WDHD1: variants seen among roughly 807,000 people sequenced by gnomAD.
WDHD1 encodes WD repeat and HMG-box DNA binding protein 1, also known as WD repeat and HMG-box DNA-binding protein 1.
WDHD1 carries 111 observed loss-of-function variants against 135.4 expected under a neutral mutation model. The observed-to-expected ratio is 0.82, with a 90% CI of 0.70 to 0.96. WDHD1 has a LOEUF of 0.96. Among genes scored for constraint, WDHD1 ranks in the 40% least tolerant of loss-of-function variants. The pLI, the probability that WDHD1 is intolerant of heterozygous loss-of-function variation, is 0.00. For synonymous variants in WDHD1, 434 were observed against 439.0 expected (o/e 0.99, Z 0.14); for missense variants, 1,351 against 1,336.3 (o/e 1.01, Z -0.17).
chr14:55,013,576 C>T lies in WDHD1; in HGVS notation c.98G>A (p.Ser33Asn). 4 of 1,613,906 alleles carry T rather than the reference C, an allele frequency of 2.5e-6. No individual in the cohort carries two copies. Among genetic ancestry groups the T allele is most frequent in the Non-Finnish European group, 3.4e-6 (4 of 1,179,846 alleles). ...DSGSFIVTCG[S>N]DGDVRIWEDL... ...TTCCCAAATCCTCACATCACCATCA[C>T]TTCCACAAGTCACAATAAAACTGTG... Residue 33 changes from serine to asparagine, a missense_variant, in exon 3 of 26, where the codon AGT becomes AAT. This residue lies in a region of WDHD1 where 1,330 missense variants were observed against 1,296.1 expected (regional missense o/e 1.03). Transcript: ENST00000360586.
chr14:54,979,639 T>C (rs999992433), intron 16 of WDHD1, among the ~76,000 whole-genome samples: 11 of 152,274 alleles, frequency 7.2e-5, no homozygotes, highest in African/African-American at 2.4e-4. Context: ...ATTTAGTTTA[T>C]TGAATTGCTG....
chr14:54,995,222 C>G (rs1418899194), intron 11 of WDHD1, among the ~76,000 whole-genome samples: 1 of 152,160 alleles, frequency 6.6e-6, no homozygotes, highest in Non-Finnish European at 1.5e-5. Flanking sequence ...CTCAAGTGAT[C>G]TGCCCATTTC....
chr14:55,007,726 C>T (rs188232173), intron 6 of WDHD1, among the ~76,000 whole-genome samples: 15 of 152,214 alleles, frequency 9.9e-5, no homozygotes, highest in African/African-American at 2.6e-4. Context: ...GTGTCAAAGT[C>T]GCTTCTTTTA....
At chr14:54,979,376 A>T (rs1032893214) in intron 16 of WDHD1, among the ~76,000 whole-genome samples, 4 of 152,250 alleles carry the variant, frequency 2.6e-5, no homozygotes, top group Admixed American at 2.0e-4. Flanking sequence ...GGCTGGTCTC[A>T]AACTCCTGGC....
intron 15 of WDHD1, among the ~76,000 whole-genome samples, chr14:54,982,073 C>T (rs1320275311): frequency 6.6e-6 from 1 of 151,750 alleles, no homozygotes; most frequent in Non-Finnish European, 1.5e-5. Context: ...GTGGCGCGAT[C>T]TCGGCCCACT....
In WDHD1 at chr14:54,966,507, C is replaced by G. The variant is rs2041347849; in HGVS notation, c.2278G>C (p.Glu760Gln). The G allele has an allele frequency of 1.2e-6, 2 of 1,605,210 alleles. No homozygotes were observed. The highest frequency in any genetic ancestry group is 1.7e-6 in the Non-Finnish European group (2 of 1,178,204). Residue 760 changes from glutamate to glutamine, a missense_variant, in exon 18 of 26, where the codon GAG (glutamate) becomes CAG (glutamine). Glu to Gln is a conservative substitution (Grantham distance 29, BLOSUM62 2). Around this residue, in one of 2 missense-constraint regions of WDHD1, gnomAD observed 1,330 missense variants for 1,296.1 expected, o/e 1.03. Transcript: ENST00000360586. ...EESTKNQATK[E>Q]QQELLMKMLA... ...ATTTTCATTAAAAGTTCCTGTTGCT[C>G]TTTTGTTGCTTGATTTTTAGTGCTC...
intron 16 of WDHD1, among the ~76,000 whole-genome samples, chr14:54,977,804 AAC>A (rs1282067034): frequency 6.6e-6 from 1 of 152,194 alleles, no homozygotes; most frequent in African/African-American, 2.4e-5. Context: ...TATTGAATAT[AAC>A]AGTTAAATGT....
chr14:54,969,658 C>A lies in WDHD1; in HGVS notation c.2064-2264G>T, dbSNP rs183761610. Among the ~76,000 whole-genome samples, 476 of 152,276 alleles carry A rather than the reference C, an allele frequency of 3.1e-3. 7 individuals are homozygous for A. The highest frequency in any genetic ancestry group is 0.024 in the South Asian group (116 of 4,828). On this transcript the variant is annotated intron_variant, in intron 16 of 25. Transcript: ENST00000360586. ...GCACAAAGAACTGGTACCAGTCCTA[C>A]TGAAAATATTCCAAAATACCAACTC...
chr14:54,965,699 T>C (rs989326001), intron 18 of WDHD1, among the ~76,000 whole-genome samples: 2 of 152,144 alleles, frequency 1.3e-5, no homozygotes, highest in African/African-American at 4.8e-5. Context: ...CTCATGCCTG[T>C]GATCCCAGCA....
At chr14:54,943,413 G>C (rs1481835722) in intron 25 of WDHD1, among the ~76,000 whole-genome samples, 3 of 151,872 alleles carry the variant, frequency 2.0e-5, no homozygotes, top group Non-Finnish European at 4.4e-5. Flanking sequence ...TTTCCCCCTA[G>C]AGACCCGGTC....
At chr14:54,995,251 G>A (rs1330761181) in intron 11 of WDHD1, among the ~76,000 whole-genome samples, 1 of 152,130 alleles carries the variant, frequency 6.6e-6, no homozygotes, top group East Asian at 1.9e-4. Context: ...AAAGTGCTGG[G>A]ATTATAGACG....
At chr14:54,962,434 T>C (rs1013798465) in intron 21 of WDHD1, 64 bp downstream of exon 21, 1 of 1,228,280 alleles carries the variant, frequency 8.1e-7, no homozygotes. Flanking sequence ...TTTGCGTAGA[T>C]GTGTCACTTT....
At chr14:55,005,560 A>G in intron 7 of WDHD1, 1 of 599,768 alleles carries the variant, frequency 1.7e-6, no homozygotes, top group Non-Finnish European at 3.2e-6. Flanking sequence ...AGATGCCAAC[A>G]CTTTTCCTTT....
At chr14:54,994,326 C>A (rs1011120268) in intron 11 of WDHD1, among the ~76,000 whole-genome samples, 3 of 152,128 alleles carry the variant, frequency 2.0e-5, no homozygotes, top group Non-Finnish European at 4.4e-5. Context: ...CAAAGTTATT[C>A]ATAATATTGC....
chr14:54,943,247 T>A (rs1011780448), intron 25 of WDHD1, among the ~76,000 whole-genome samples: 1 of 152,166 alleles, frequency 6.6e-6, no homozygotes, highest in African/African-American at 2.4e-5. Flanking sequence ...CTAATTTCCA[T>A]GTGAAAGGCT....
rs1250603230 is a variant in WDHD1, at chr14:55,000,993, C to A, written c.694-1G>T. ...GAGACCAGGTTACTATATTGAGGGT[C>A]TGTAAAGAAAAACAGTTAATAAATA... On this transcript the variant is annotated splice_acceptor_variant, in intron 8 of 25. Coordinates refer to ENST00000360586, the MANE Select transcript of WDHD1 (RefSeq NM_007086.4). LOFTEE classifies it high-confidence loss of function. 1.9e-5 allele frequency: 29 copies of A among 1,518,056 alleles called. No homozygotes were observed. Among genetic ancestry groups the A allele is most frequent in the Non-Finnish European group, 2.5e-5 (28 of 1,128,976 alleles). The allele number at this position is 1,518,056 out of a possible 1,614,324, so 94.0% of individuals were successfully genotyped here.
At chr14:55,010,076 C>A (rs1472507137) in intron 4 of WDHD1, among the ~76,000 whole-genome samples, 1 of 152,212 alleles carries the variant, frequency 6.6e-6, no homozygotes, top group African/African-American at 2.4e-5. Context: ...GCCTTGGCCT[C>A]CCAAAGTGCT....
intron 24 of WDHD1, among the ~76,000 whole-genome samples, chr14:54,954,649 G>C (rs983612344): frequency 1.3e-5 from 2 of 152,082 alleles, no homozygotes; most frequent in Non-Finnish European, 2.9e-5. Flanking sequence ...AAAGATTAAA[G>C]CTCTTATTTT....
intron 15 of WDHD1, among the ~76,000 whole-genome samples, chr14:54,984,350 C>G (rs778551736): frequency 3.9e-5 from 6 of 152,128 alleles, no homozygotes; most frequent in Non-Finnish European, 8.8e-5. Context: ...CAAAAATTAG[C>G]TAGGCATGGT....
Sources: gnomAD v4.1 joint callset for allele counts (sites outside exome capture counted in the v4.1 genomes callset) on GRCh38, gnomAD v4.1.1 for gene constraint, gnomAD v4.1.1 regional missense constraint, MANE v1.5 for transcripts, NCBI Gene and HGNC (gene_info 2026-07-23, HGNC 2026-07-21) for gene names.